TTC39C: variants seen among roughly 807,000 people sequenced by gnomAD.
The protein encoded by TTC39C is tetratricopeptide repeat protein 39C.
A neutral mutation model predicts 76.3 loss-of-function variants in TTC39C; 33 were observed. The ratio of observed to expected loss-of-function variants is 0.43; its 90% CI spans 0.33 to 0.58. The LOEUF is 0.58. Among genes scored for constraint, TTC39C ranks in the 20% least tolerant of loss-of-function variants. TTC39C has a pLI of 0.04. For synonymous variants in TTC39C, 254 were observed against 260.6 expected, an observed-to-expected ratio of 0.97 and a Z score of 0.24; for missense variants, 595 against 701.4, an observed-to-expected ratio of 0.85 and a Z score of 1.71.
chr18:24,101,206 T>C (rs1568437825), intron 6 of TTC39C, among the ~76,000 whole-genome samples: 1 of 152,090 alleles, frequency 6.6e-6, no homozygotes, highest in Non-Finnish European at 1.5e-5. Context: ...ATGAATTTTC[T>C]GGTTTGTGAA....
chr18:23,996,258 G>A (rs2083260339), intron 1 of TTC39C, among the ~76,000 whole-genome samples: 1 of 152,188 alleles, frequency 6.6e-6, no homozygotes, highest in African/African-American at 2.4e-5. Flanking sequence ...AATTGGATTT[G>A]GGCATGGGCC....
intron 1 of TTC39C, among the ~76,000 whole-genome samples, chr18:24,016,205 T>A (rs925895247): frequency 1.4e-5 from 2 of 147,684 alleles, no homozygotes; most frequent in Non-Finnish European, 3.1e-5. Flanking sequence ...AATCGGTGAT[T>A]TTTTCCCCCC....
intron 1 of TTC39C, among the ~76,000 whole-genome samples, chr18:23,994,973 A>T (rs1342965419): frequency 2.0e-5 from 3 of 152,062 alleles, no homozygotes; most frequent in African/African-American, 2.4e-5. Flanking sequence ...CATGAAATTG[A>T]CTTTGGTAAA....
At chr18:24,020,573 A>G (rs561901072) in intron 1 of TTC39C, among the ~76,000 whole-genome samples, 28 of 152,330 alleles carry the variant, frequency 1.8e-4, no homozygotes, top group African/African-American at 6.3e-4. Context: ...CTGATAGAAA[A>G]TGGCGCAGTA....
chr18:24,044,870 A>G (rs184847145), intron 1 of TTC39C, among the ~76,000 whole-genome samples: 1 of 152,284 alleles, frequency 6.6e-6, no homozygotes, highest in Admixed American at 6.5e-5. Context: ...TAACTTACCT[A>G]ACTTGTTTAG....
In TTC39C at chr18:24,014,810, G is replaced by T. The variant is rs1367853056; in HGVS notation, c.-62G>T. The T allele has an allele frequency of 5.0e-6, 6 of 1,194,128 alleles. No homozygotes were observed. Among genetic ancestry groups the T allele is most frequent in the Non-Finnish European group, 6.3e-6 (6 of 958,576 alleles). 74.0% of individuals were successfully genotyped at this position (1,194,128 alleles called of 1,614,324 possible). A position where few individuals can be genotyped will look rare whatever the true frequency, so the allele number is the denominator to read the frequency against. Reference sequence around the variant, plus strand: ...GCAGGTAGAGCCGGGCTCCGGGCGCGCGCGGGGCCGCAGCAGCTGCTCCCG... The same window carrying T: ...GCAGGTAGAGCCGGGCTCCGGGCGCTCGCGGGGCCGCAGCAGCTGCTCCCG... On this transcript the variant is annotated 5_prime_UTR_variant, in exon 1 of 14. Transcript: ENST00000317571.
chr18:24,112,706 C>T (rs567714744), intron 6 of TTC39C, among the ~76,000 whole-genome samples: 1 of 152,122 alleles, frequency 6.6e-6, no homozygotes, highest in Non-Finnish European at 1.5e-5. Context: ...GGGAACAGCT[C>T]GGTGGTGATG....
intron 6 of TTC39C, among the ~76,000 whole-genome samples, chr18:24,110,290 G>A (rs1474849371): frequency 6.6e-6 from 1 of 152,142 alleles, no homozygotes; most frequent in Admixed American, 6.5e-5. Context: ...AGTAAAAAAC[G>A]GCATCTACTT....
At chr18:24,056,975 G>A (rs1444274118) in intron 1 of TTC39C, among the ~76,000 whole-genome samples, 1 of 152,026 alleles carries the variant, frequency 6.6e-6, no homozygotes, top group Non-Finnish European at 1.5e-5. Context: ...GAGCCATCAT[G>A]CCTGGCCTTG....
intron 1 of TTC39C, among the ~76,000 whole-genome samples, chr18:24,043,404 T>G (rs1319287398): frequency 6.6e-6 from 1 of 152,150 alleles, no homozygotes; most frequent in Non-Finnish European, 1.5e-5. Context: ...CTTTTTTCCC[T>G]ACCCCTCCTT....
intron 1 of TTC39C, among the ~76,000 whole-genome samples, chr18:24,035,305 T>A (rs911669581): frequency 3.5e-4 from 53 of 152,214 alleles, no homozygotes; most frequent in African/African-American, 1.2e-3. Flanking sequence ...TCCAAAACAC[T>A]GCGATTACAA....
At chr18:24,092,814 A>G (rs1490902894) in intron 6 of TTC39C, among the ~76,000 whole-genome samples, 3 of 152,150 alleles carry the variant, frequency 2.0e-5, no homozygotes, top group Admixed American at 6.5e-5. Context: ...GCAGAGCACA[A>G]TGGCTCACAC....
intron 1 of TTC39C, among the ~76,000 whole-genome samples, chr18:23,996,864 C>A (rs1352591297): frequency 6.6e-6 from 1 of 152,186 alleles, no homozygotes; most frequent in Non-Finnish European, 1.5e-5. Context: ...AATCCCAGCA[C>A]TTTGGGAGGC....
chr18:24,086,367 C>T (rs979796104), intron 6 of TTC39C, among the ~76,000 whole-genome samples: 2 of 152,160 alleles, frequency 1.3e-5, no homozygotes, highest in African/African-American at 4.8e-5. Flanking sequence ...CTTCTGTACT[C>T]GTTATTTTCA....
intron 4 of TTC39C, among the ~76,000 whole-genome samples, chr18:24,071,239 A>G (rs1468181182): frequency 6.6e-6 from 1 of 152,176 alleles, no homozygotes; most frequent in East Asian, 1.9e-4. Context: ...AACTTTCTAA[A>G]TGAGTACGTC....
chr18:24,114,331 G>A (rs2099959), intron 6 of TTC39C: 68,487 of 421,998 alleles, frequency 0.16, 7,758 homozygotes, highest in Admixed American at 0.24. Flanking sequence ...CGCGAGCTGA[G>A]CCCTTACCAC....
chr18:24,097,077 G>A (rs1286544455), intron 6 of TTC39C, among the ~76,000 whole-genome samples: 3 of 152,280 alleles, frequency 2.0e-5, no homozygotes, highest in South Asian at 2.1e-4. Context: ...GGCCTTTTTC[G>A]ATGAGAGGAA....
At chr18:24,082,588 G>A (rs2145761655) in intron 5 of TTC39C, among the ~76,000 whole-genome samples, 1 of 152,274 alleles carries the variant, frequency 6.6e-6, no homozygotes, top group African/African-American at 2.4e-5. Context: ...GTGCATTAAT[G>A]AGTAAAGTGT....
Position 24,109,176 on chromosome 18 carries a change from C to CAAA in TTC39C, c.985-5358_985-5356dup, listed in dbSNP as rs35872928. Among the ~76,000 whole-genome samples the CAAA allele has an allele frequency of 7.7e-4, 57 of 73,866 alleles. 2 individuals are homozygous for CAAA. The highest frequency in any genetic ancestry group is 1.8e-3 in the African/African-American group (29 of 16,512). The allele number at this position is 73,866 out of a possible 152,430, so 48.5% of individuals were successfully genotyped here. A position where few individuals can be genotyped will look rare whatever the true frequency, so the allele number is the denominator to read the frequency against. On this transcript the variant is annotated intron_variant, in intron 6 of 13. Transcript: ENST00000317571. ...AAACATAGCAAGACTCCCGTCTCTA[C>CAAA]AAAAAAAAAAAAAAAAAAAAAAGTT... is the stretch of plus-strand genomic sequence containing the variant.
Sources: gnomAD v4.1 joint callset for allele counts (sites outside exome capture counted in the v4.1 genomes callset) on GRCh38, gnomAD v4.1.1 for gene constraint, MANE v1.5 for transcripts, NCBI Gene and HGNC (gene_info 2026-07-23, HGNC 2026-07-21) for gene names.